The following AP3D1 variants were observed in gnomAD, a reference collection of about 807,000 sequenced individuals.
AP3D1 encodes the protein AP-3 complex subunit delta-1.
AP3D1 carries 51 observed loss-of-function variants against 147.6 expected under a neutral mutation model. The observed-to-expected ratio is 0.35, with a 90% CI of 0.28 to 0.44. The LOEUF is 0.44. AP3D1 is among the 20% of genes least tolerant of loss of function. The probability of loss-of-function intolerance (pLI) is 1.00; values close to 1 mark genes in which losing one functional copy is unlikely to be tolerated. For missense variants in AP3D1, 1,421 were observed against 1,624.2 expected (o/e 0.87, Z 2.15); for synonymous variants, 760 against 663.0 (o/e 1.15, Z -2.25).
rs1030795969 is a variant in AP3D1, at chr19:2,148,329, C to A, written c.96+2910G>T. Reference sequence around the variant, plus strand: ...ACACATGAGACCACTACTTCTCACGCTTTTTGGACTCATCTTAATAGGTTT... The same window carrying A: ...ACACATGAGACCACTACTTCTCACGATTTTTGGACTCATCTTAATAGGTTT... On this transcript the variant is annotated intron_variant, in intron 1 of 31. Coordinates refer to ENST00000643116, the MANE Select transcript of AP3D1 (RefSeq NM_001261826.3). Among the ~76,000 whole-genome samples the A allele has an allele frequency of 2.0e-5, 3 of 152,288 alleles. No homozygotes were observed. The East Asian group carries it at 5.8e-4, about 29-fold the overall frequency.
chr19:2,161,484 T>C lies in AP3D1; in HGVS notation c.-103+2872A>G, dbSNP rs902679001. 6.6e-5 allele frequency among the ~76,000 whole-genome samples: 10 copies of C among 152,144 alleles called. No homozygotes were observed. The East Asian group carries it at 1.9e-3, about 29-fold the overall frequency. On this transcript the variant is annotated intron_variant, in intron 1 of 14. Transcript: ENST00000643010. Reference sequence around the variant, plus strand: ...GCTGTCTGGGCCTGATAATTAAAAATGACTTGCATTCCTTAGATAAAAGTT... The same window carrying C: ...GCTGTCTGGGCCTGATAATTAAAAACGACTTGCATTCCTTAGATAAAAGTT...
chr19:2,117,238 C>A lies in AP3D1; in HGVS notation c.1843G>T (p.Val615Phe). 1 of 1,610,332 alleles carries A rather than the reference C, an allele frequency of 6.2e-7. No individual in the cohort carries two copies. Among genetic ancestry groups the A allele is most frequent in the East Asian group, 2.2e-5 (1 of 44,778 alleles). Residue 615 changes from valine (V) to phenylalanine (F), a missense_variant, in exon 16 of 32, where the codon GTT (valine) becomes TTT (phenylalanine). By Grantham distance (50) the Val-to-Phe change is conservative. Transcript: ENST00000643116. ...TATCCTTACCCTTCGGGGACTGGAA[C>A]CTTCTTCTGGGCCTTGGGGGCCACT... is the stretch of plus-strand genomic sequence containing the variant. ...NPVAPKAQKK[V>F]PVPEGLDLDA...
In AP3D1 at chr19:2,104,100, C is replaced by T. The variant is rs941094022; in HGVS notation, c.3553-1832G>A. On this transcript the variant is annotated intron_variant, in intron 31 of 31. Coordinates refer to ENST00000643116, the MANE Select transcript of AP3D1 (RefSeq NM_001261826.3). The stretch of plus-strand genomic sequence containing the variant: ...GACACCAACACCCAGACCCCAACGC[C>T]GAGGCACCAACTCCAAGACGCCAAC... Among the ~76,000 whole-genome samples, 8 of 151,370 alleles carry T rather than the reference C, an allele frequency of 5.3e-5. No individual in the cohort carries two copies. In the East Asian group the frequency reaches 9.8e-4, roughly 18 times the overall value.
At chr19:2,128,405 G>A (rs906324497) in intron 8 of AP3D1, among the ~76,000 whole-genome samples, 29 of 152,024 alleles carry the variant, frequency 1.9e-4, no homozygotes, top group African/African-American at 5.6e-4. Context: ...CCCAGCCCCC[G>A]CTGTACCGCA....
At chr19:2,109,246 G>A in intron 29 of AP3D1, 39 bp from the exon 30 acceptor site, 2 of 1,530,618 alleles carry the variant, frequency 1.3e-6, no homozygotes, top group South Asian at 1.3e-5. Context: ...GGTGGGGCCG[G>A]GCTCCTCAGG....
chr19:2,115,294 G>C lies in AP3D1; in HGVS notation c.2274C>G (p.Ser758Arg). The C allele has an allele frequency of 6.2e-7, 1 of 1,613,172 alleles. No individual in the cohort carries two copies. The highest frequency in any genetic ancestry group is 1.6e-4 in the Middle Eastern group (1 of 6,062). Reference sequence around the variant, plus strand: ...CCTCGTCGCTCTCCGTGGGCAGCGAGCTGTGGCGGCGCTTGCCCTTCTTCT... The same window carrying C: ...CCTCGTCGCTCTCCGTGGGCAGCGACCTGTGGCGGCGCTTGCCCTTCTTCT... ...EKEKKGKRRHSSLPTESDEDI... is the reference protein window; with the variant it reads ...EKEKKGKRRHRSLPTESDEDI... The change falls in exon 20 of 32, where the codon AGC becomes AGG. Residue 758 changes from serine (S) to arginine (R), a missense_variant. By Grantham distance (110) the Ser-to-Arg change is moderately radical (BLOSUM62 -1). Around this residue, in one of 6 missense-constraint regions of AP3D1, gnomAD observed 791 missense variants for 761.4 expected, o/e 1.04. Coordinates refer to ENST00000643116, the MANE Select transcript of AP3D1 (RefSeq NM_001261826.3).
At chr19:2,134,447 T>G (rs1298738743) in intron 4 of AP3D1, among the ~76,000 whole-genome samples, 1 of 151,352 alleles carries the variant, frequency 6.6e-6, no homozygotes, top group Non-Finnish European at 1.5e-5. Context: ...GAAAATAATT[T>G]TTTTTAGGGC....
chr19:2,125,057 C>T (rs1224057555), intron 9 of AP3D1, among the ~76,000 whole-genome samples: 1 of 152,144 alleles, frequency 6.6e-6, no homozygotes, highest in Non-Finnish European at 1.5e-5. Flanking sequence ...GGTGTTGGTG[C>T]ACATAAATCT....
At chr19:2,136,723 T>G (rs1452618464) in intron 4 of AP3D1, among the ~76,000 whole-genome samples, 1 of 151,958 alleles carries the variant, frequency 6.6e-6, no homozygotes, top group African/African-American at 2.4e-5. Flanking sequence ...CAGCTGCGAG[T>G]GGACCCTGGA....
chr19:2,121,297 G>A lies in AP3D1; in HGVS notation c.1116C>T (p.Asn372=), dbSNP rs530983058. 3.8e-4 allele frequency: 621 copies of A among 1,614,150 alleles called. 8 individuals carry two copies. In the South Asian group the frequency reaches 6.1e-3, roughly 16 times the overall value. ...DLLYGMVSKK[N]LMEIVKKLMT... ...TCAGCTTCTTCACGATCTCCATCAGGTTCTTCTTGGACACCTGGGCAAAAG... is the reference window on the plus strand; with the variant it reads ...TCAGCTTCTTCACGATCTCCATCAGATTCTTCTTGGACACCTGGGCAAAAG... The change falls in exon 13 of 32, where the codon AAC becomes AAT. Residue 372 remains asparagine, a synonymous_variant. Transcript: ENST00000643116.
chr19:2,150,945 C>T (rs2019491074), intron 1 of AP3D1, among the ~76,000 whole-genome samples: 1 of 152,204 alleles, frequency 6.6e-6, no homozygotes, highest in South Asian at 2.1e-4. Context: ...CACCTATAGG[C>T]GGGGCCCAGG....
chr19:2,105,708 G>C (rs935557819), intron 31 of AP3D1, among the ~76,000 whole-genome samples: 1 of 152,074 alleles, frequency 6.6e-6, no homozygotes, highest in Non-Finnish European at 1.5e-5. Context: ...ACTGGGTTAG[G>C]GTCTCCCTGA....
rs559127027 is a variant in AP3D1 at position 2,110,955 on chromosome 19, G to A, written c.2986-59C>T. On this transcript the variant is annotated intron_variant, in intron 26 of 31. Coordinates refer to ENST00000643116, the MANE Select transcript of AP3D1 (RefSeq NM_001261826.3). ...GGGCCCGCCACAGGGAACAGGCACA[G>A]CCACCTGTCTCTTAATGACCACAGA... 550 of 1,556,516 alleles carry A rather than the reference G, an allele frequency of 3.5e-4. 2 individuals carry two copies. In the African/African-American group the frequency reaches 6.9e-3, roughly 20 times the overall value.
At chr19:2,153,862 A>G (rs2019623923), upstream of AP3D1, among the ~76,000 whole-genome samples, 1 of 151,846 alleles carries the variant, frequency 6.6e-6, no homozygotes, top group Non-Finnish European at 1.5e-5. Flanking sequence ...CTCGCCCGAG[A>G]TAGAGTCTTG....
At chr19:2,129,069 C>G (rs1174670953) in intron 8 of AP3D1, 21 bp downstream of exon 8, 1 of 1,560,842 alleles carries the variant, frequency 6.4e-7, no homozygotes, top group Non-Finnish European at 8.7e-7. Context: ...CCCGCCCCCA[C>G]CGCGCATGGC....
At chr19:2,134,462 C>T (rs1002323128) in intron 4 of AP3D1, among the ~76,000 whole-genome samples, 19 of 150,800 alleles carry the variant, frequency 1.3e-4, no homozygotes, top group Admixed American at 8.6e-4. Flanking sequence ...TAGGGCTGGG[C>T]GTGGTGGCTC....
At chr19:2,109,393 A>C in intron 29 of AP3D1, 186 bp from the exon 30 acceptor site, 1 of 708,686 alleles carries the variant, frequency 1.4e-6, no homozygotes, top group Non-Finnish European at 2.2e-6. Flanking sequence ...ACACCCAGAA[A>C]CTGACAATGA....
At chr19:2,142,515 C>T (rs1368899247) in intron 1 of AP3D1, among the ~76,000 whole-genome samples, 1 of 152,242 alleles carries the variant, frequency 6.6e-6, no homozygotes, top group Non-Finnish European at 1.5e-5. Flanking sequence ...AAGTCAGCAT[C>T]TTGAGACCAG....
intron 17 of AP3D1, 145 bp from the exon 18 acceptor site, chr19:2,116,423 C>A: frequency 8.2e-7 from 1 of 1,223,208 alleles, no homozygotes; most frequent in East Asian, 2.6e-5. Flanking sequence ...AACCAAGGCC[C>A]GCAATTGGGA....
Sources: gnomAD v4.1 joint callset for allele counts (sites outside exome capture counted in the v4.1 genomes callset) on GRCh38, gnomAD v4.1.1 for gene constraint, gnomAD v4.1.1 regional missense constraint, MANE v1.5 for transcripts, NCBI Gene and HGNC (gene_info 2026-07-23, HGNC 2026-07-21) for gene names.